CTTNBP2: variants seen among roughly 807,000 people sequenced by gnomAD.
CTTNBP2 encodes the protein cortactin-binding protein 2.
Under a neutral mutation model 156.9 loss-of-function variants are expected in CTTNBP2, and 108 were observed. That is an observed-to-expected ratio of 0.69 (90% CI 0.59 to 0.81). The LOEUF is 0.81. CTTNBP2 is among the 30% of genes least tolerant of loss of function. The probability of loss-of-function intolerance (pLI) is 0.00; values close to 1 mark genes in which losing one functional copy is unlikely to be tolerated. For missense variants in CTTNBP2, 1,924 were observed against 2,035.4 expected (o/e 0.95, Z 1.05); for synonymous variants, 767 against 751.8 (o/e 1.02, Z -0.33).
chr7:117,758,618 C>A (rs1797018703), intron 10 of CTTNBP2, among the ~76,000 whole-genome samples: 1 of 152,124 alleles, frequency 6.6e-6, no homozygotes, highest in African/African-American at 2.4e-5. Flanking sequence ...AATATACATG[C>A]ACACTCACCT....
intron 3 of CTTNBP2, among the ~76,000 whole-genome samples, chr7:117,806,400 A>G (rs1048674723): frequency 6.6e-6 from 1 of 152,228 alleles, no homozygotes; most frequent in Non-Finnish European, 1.5e-5. Flanking sequence ...AGCAGAGTGC[A>G]TATCTGCCAC....
chr7:117,741,772 A>G (rs1318088217), intron 14 of CTTNBP2, among the ~76,000 whole-genome samples: 1 of 152,208 alleles, frequency 6.6e-6, no homozygotes, highest in Non-Finnish European at 1.5e-5. Flanking sequence ...CTCCCTTATC[A>G]ATACCTGTCT....
intron 14 of CTTNBP2, 28 bp from the exon 15 acceptor site, chr7:117,735,449 T>A: frequency 6.4e-7 from 1 of 1,574,442 alleles, no homozygotes. Flanking sequence ...ATTCAGTGAT[T>A]CAAGCTTTTG....
chr7:117,868,649 C>A (rs930564322), intron 1 of CTTNBP2, among the ~76,000 whole-genome samples: 3 of 152,162 alleles, frequency 2.0e-5, no homozygotes, highest in African/African-American at 7.2e-5. Context: ...CGTACCTGTC[C>A]TCTGATTCCT....
rs540234522 is a variant in CTTNBP2, at chr7:117,771,617, C to G, written c.2779-4441G>C. Among the ~76,000 whole-genome samples the G allele has an allele frequency of 4.1e-4, 62 of 152,266 alleles. 1 individual carries two copies. The highest frequency in any genetic ancestry group is 1.4e-3 in the African/African-American group (60 of 41,548). On this transcript the variant is annotated intron_variant, in intron 8 of 22. Coordinates refer to ENST00000160373, the MANE Select transcript of CTTNBP2 (RefSeq NM_033427.3). The stretch of plus-strand genomic sequence containing the variant: ...GCAATTATTGTACTGAAAGATTACG[C>G]TGGAAAGGACAAGAGTGACAGCAAG...
At chr7:117,860,712 C>A (rs1436900614) in intron 2 of CTTNBP2, among the ~76,000 whole-genome samples, 6 of 151,716 alleles carry the variant, frequency 4.0e-5, no homozygotes, top group Non-Finnish European at 5.9e-5. Flanking sequence ...TACTGAAAGA[C>A]CAGAAAAAAT....
intron 2 of CTTNBP2, among the ~76,000 whole-genome samples, chr7:117,854,404 T>C (rs765334118): frequency 2.0e-5 from 3 of 152,180 alleles, no homozygotes. Context: ...AGACATGTCA[T>C]ATGAGGAAAA....
At chr7:117,832,728 T>G (rs949062750) in intron 2 of CTTNBP2, among the ~76,000 whole-genome samples, 4 of 150,286 alleles carry the variant, frequency 2.7e-5, no homozygotes, top group African/African-American at 9.8e-5. Flanking sequence ...TAGCCCTTCA[T>G]TCATCAACCT....
chr7:117,826,845 ATTATTATTATTATT>A (rs1333484436), intron 2 of CTTNBP2, among the ~76,000 whole-genome samples: 1 of 132,480 alleles, frequency 7.5e-6, no homozygotes, highest in Non-Finnish European at 1.6e-5. Context: ...TATTATTATT[ATTATTATTATTATT>A]ATTATTATTA....
At chr7:117,790,767 A>G (rs550057242) in intron 4 of CTTNBP2, among the ~76,000 whole-genome samples, 2 of 152,232 alleles carry the variant, frequency 1.3e-5, no homozygotes, top group Non-Finnish European at 2.9e-5. Context: ...CTGTCTGATC[A>G]TGACCCACTG....
At chr7:117,819,659 G>A (rs888639124) in intron 2 of CTTNBP2, among the ~76,000 whole-genome samples, 5 of 152,152 alleles carry the variant, frequency 3.3e-5, no homozygotes, top group African/African-American at 1.2e-4. Flanking sequence ...AGAAGTGAAG[G>A]AGAATGTCAT....
intron 17 of CTTNBP2, 68 bp from the exon 18 acceptor site, chr7:117,725,325 A>G (rs1795030807): frequency 1.4e-6 from 2 of 1,416,868 alleles, no homozygotes; most frequent in Admixed American, 3.4e-5. Context: ...AATTCCGTGA[A>G]AGGACAGTTT....
intron 3 of CTTNBP2, among the ~76,000 whole-genome samples, chr7:117,804,550 GA>G (rs1209008182): frequency 3.3e-5 from 5 of 152,134 alleles, no homozygotes; most frequent in African/African-American, 1.2e-4. Flanking sequence ...ACTGGATAAA[GA>G]AAATGTCGTA....
At chr7:117,821,348 T>G (rs1350167059) in intron 2 of CTTNBP2, among the ~76,000 whole-genome samples, 1 of 151,980 alleles carries the variant, frequency 6.6e-6, no homozygotes, top group Non-Finnish European at 1.5e-5. Context: ...TGTTGTTGTT[T>G]TTCAGTTTTC....
At position 117,760,523 on chromosome 7, in the gene CTTNBP2, T is replaced by A. The variant is rs755553168; in HGVS notation, c.3084A>T (p.Gly1028=). The A allele has an allele frequency of 6.8e-6, 11 of 1,614,132 alleles. No individual in the cohort carries two copies. The highest frequency in any genetic ancestry group is 9.3e-6 in the Non-Finnish European group (11 of 1,179,978). ...AAGTCACGTCTTCCAGACTCCACCA[T>A]CCATCAGAAGAGATTGCCTGGAAAT... ...TNHFQAISSD[G]WWSLEDVTCN... is the part of the protein sequence containing the mutation. Residue 1028 remains glycine, a synonymous_variant, in exon 10 of 23, where the codon GGA becomes GGT. Coordinates refer to ENST00000160373, the MANE Select transcript of CTTNBP2 (RefSeq NM_033427.3).
chr7:117,739,049 T>C (rs1795855639), intron 14 of CTTNBP2, among the ~76,000 whole-genome samples: 1 of 152,216 alleles, frequency 6.6e-6, no homozygotes, highest in African/African-American at 2.4e-5. Context: ...CACAGCTTTC[T>C]TTGGGGGAAA....
At chr7:117,746,839 C>T (rs1396711177) in intron 12 of CTTNBP2, among the ~76,000 whole-genome samples, 1 of 152,168 alleles carries the variant, frequency 6.6e-6, no homozygotes, top group Non-Finnish European at 1.5e-5. Flanking sequence ...AGAAAATCTC[C>T]TGCCTGTATG....
Position 117,724,595 on chromosome 7 carries a change from C to T in CTTNBP2, c.4399G>A (p.Gly1467Ser). Residue 1467 changes from glycine to serine, a missense_variant, in exon 19 of 23, where the codon GGC (glycine) becomes AGC (serine). Physicochemically the swap from Gly to Ser is moderately conservative, Grantham distance 56. Transcript: ENST00000160373. ...TTCCAGGTGGGTAAAGAGAAGCGGCCAGACTTCCTGCGAGGACTGGTGTTC... is the reference window on the plus strand; with the variant it reads ...TTCCAGGTGGGTAAAGAGAAGCGGCTAGACTTCCTGCGAGGACTGGTGTTC... ...KVNTSPRRKS[G>S]RFSLPTWNKP... The T allele has an allele frequency of 6.2e-7, 1 of 1,614,058 alleles. No individual in the cohort carries two copies. Among genetic ancestry groups the T allele is most frequent in the Non-Finnish European group, 8.5e-7 (1 of 1,180,010 alleles).
intron 12 of CTTNBP2, among the ~76,000 whole-genome samples, chr7:117,748,516 G>A (rs1317165840): frequency 1.3e-5 from 2 of 151,980 alleles, no homozygotes; most frequent in Non-Finnish European, 2.9e-5. Flanking sequence ...GTCTTCTTTT[G>A]CATTGAGAGA....
Sources: gnomAD v4.1 joint callset for allele counts (sites outside exome capture counted in the v4.1 genomes callset) on GRCh38, gnomAD v4.1.1 for gene constraint, MANE v1.5 for transcripts, NCBI Gene and HGNC (gene_info 2026-07-23, HGNC 2026-07-21) for gene names.